Variants in PDCD1LG2 observed in about 807,000 individuals in gnomAD.
PDCD1LG2 encodes programmed cell death 1 ligand 2.
Under a neutral mutation model 28.2 loss-of-function variants are expected in PDCD1LG2, and 32 were observed. That is an observed-to-expected ratio of 1.13 (90% CI 0.86 to 1.52). The LOEUF is 1.52. Ranked by LOEUF, PDCD1LG2 falls within the 40% of genes most tolerant of loss-of-function variation. The pLI is 0.00. For missense variants in PDCD1LG2, 385 were observed against 323.8 expected (o/e 1.19, Z -1.45); for synonymous variants, 116 against 120.2 (o/e 0.97, Z 0.23).
chr9:5,544,702 G>C (rs185705092), intron 3 of PDCD1LG2, among the ~76,000 whole-genome samples: 2 of 151,940 alleles, frequency 1.3e-5, no homozygotes, highest in Admixed American at 1.3e-4. Context: ...TGAAAAGCTA[G>C]TAGTTGTTGA....
intron 4 of PDCD1LG2, among the ~76,000 whole-genome samples, chr9:5,556,583 C>G (rs1428397194): frequency 6.6e-6 from 1 of 152,192 alleles, no homozygotes; most frequent in Non-Finnish European, 1.5e-5. Context: ...TGTCTAATCT[C>G]TTCTCCAGTA....
chr9:5,542,420 T>A (rs890351671), intron 3 of PDCD1LG2, among the ~76,000 whole-genome samples: 2 of 151,824 alleles, frequency 1.3e-5, no homozygotes, highest in Non-Finnish European at 2.9e-5. Flanking sequence ...TGGGAGAAAA[T>A]CTTCACAATC....
At chr9:5,520,696 A>G (rs2129715840) in intron 1 of PDCD1LG2, among the ~76,000 whole-genome samples, 1 of 152,368 alleles carries the variant, frequency 6.6e-6, no homozygotes, top group South Asian at 2.1e-4. Context: ...AATAAAATCA[A>G]AATTAAATTA....
chr9:5,522,405 C>T (rs535692982), intron 1 of PDCD1LG2, 128 bp from the exon 2 acceptor site: 4 of 636,840 alleles, frequency 6.3e-6, no homozygotes, highest in Admixed American at 2.6e-5. Flanking sequence ...CTCCTCCCAG[C>T]TCCACTCTAC....
intron 6 of PDCD1LG2, among the ~76,000 whole-genome samples, chr9:5,568,727 T>C (rs1057226144): frequency 4.6e-5 from 7 of 152,214 alleles, no homozygotes; most frequent in African/African-American, 1.7e-4. Flanking sequence ...GGCAGCACAG[T>C]TGTCTCAGGG....
At chr9:5,534,660 T>G in intron 2 of PDCD1LG2, 85 bp from the exon 3 acceptor site, 2 of 1,251,490 alleles carry the variant, frequency 1.6e-6, no homozygotes, top group Non-Finnish European at 2.2e-6. Flanking sequence ...AAAATGGGGG[T>G]GAGATGGGTC....
intron 1 of PDCD1LG2, among the ~76,000 whole-genome samples, chr9:5,520,946 A>G (rs1820261654): frequency 6.6e-6 from 1 of 152,228 alleles, no homozygotes; most frequent in Non-Finnish European, 1.5e-5. Context: ...ATAATAGCCA[A>G]CAAGCAGAAA....
intron 3 of PDCD1LG2, among the ~76,000 whole-genome samples, chr9:5,537,779 T>C (rs568589982): frequency 6.6e-6 from 1 of 152,112 alleles, no homozygotes; most frequent in African/African-American, 2.4e-5. Flanking sequence ...ACCTAATGTT[T>C]AATGACAAGT....
At chr9:5,565,601 G>A (rs7048870) in intron 6 of PDCD1LG2, among the ~76,000 whole-genome samples, 27,684 of 152,084 alleles carry the variant, frequency 0.18, 3,874 homozygotes, top group African/African-American at 0.39. Context: ...TGATTACAGC[G>A]TTATTTTCTG....
intron 3 of PDCD1LG2, among the ~76,000 whole-genome samples, chr9:5,546,590 T>C (rs1314415248): frequency 6.6e-6 from 1 of 152,204 alleles, no homozygotes; most frequent in Non-Finnish European, 1.5e-5. Context: ...CCTTATCTTC[T>C]ACTACTGCTG....
chr9:5,518,856 C>T (rs943574257), intron 1 of PDCD1LG2, among the ~76,000 whole-genome samples: 17 of 152,220 alleles, frequency 1.1e-4, no homozygotes, highest in Admixed American at 9.8e-4. Flanking sequence ...TCATCCATGA[C>T]CTCCATACTG....
At chr9:5,510,942 G>C (rs1278263888) in intron 1 of PDCD1LG2, 139 bp downstream of exon 1, 1 of 152,608 alleles carries the variant, frequency 6.6e-6, no homozygotes, top group Non-Finnish European at 1.5e-5. Flanking sequence ...AAATTGTGCT[G>C]AGGGGCACAA....
In PDCD1LG2 at chr9:5,515,156, A is replaced by G. The variant is rs562435814; in HGVS notation, c.-15+4353A>G. Among the ~76,000 whole-genome samples the G allele has an allele frequency of 1.1e-4, 16 of 152,310 alleles. No individual in the cohort carries two copies. In the East Asian group the frequency reaches 2.7e-3, roughly 26 times the overall value. ...TCACTACCTGTGGTTTGGTCAAGAG[A>G]CCCAGATATTAGAGAACGTGTTGAT... On this transcript the variant is annotated intron_variant, in intron 1 of 6. Transcript: ENST00000397747.
At chr9:5,517,327 G>A (rs1748292665) in intron 1 of PDCD1LG2, among the ~76,000 whole-genome samples, 1 of 152,236 alleles carries the variant, frequency 6.6e-6, no homozygotes, top group South Asian at 2.1e-4. Context: ...GGCCACACAG[G>A]CCTGGAAGCA....
At chr9:5,543,854 G>C (rs1820741576) in intron 3 of PDCD1LG2, among the ~76,000 whole-genome samples, 2 of 89,158 alleles carry the variant, frequency 2.2e-5, no homozygotes, top group South Asian at 8.5e-4. Context: ...AGAAAACAAT[G>C]TCCTGAATTT....
At chr9:5,528,466 A>G (rs960482977) in intron 2 of PDCD1LG2, among the ~76,000 whole-genome samples, 1 of 150,118 alleles carries the variant, frequency 6.7e-6, no homozygotes, top group Non-Finnish European at 1.5e-5. Context: ...ATGCCTGGCT[A>G]ATTTTTTTTT....
intron 3 of PDCD1LG2, among the ~76,000 whole-genome samples, chr9:5,543,533 C>G (rs781102209): frequency 4.1e-5 from 5 of 121,200 alleles, no homozygotes; most frequent in Non-Finnish European, 6.5e-5. Flanking sequence ...AGCGAGACTC[C>G]GTCTCAAAAA....
intron 4 of PDCD1LG2, among the ~76,000 whole-genome samples, chr9:5,555,102 A>C (rs534144253): frequency 1.3e-5 from 2 of 152,316 alleles, no homozygotes; most frequent in South Asian, 4.1e-4. Context: ...CCATTGCATC[A>C]TTATATCATT....
intron 1 of PDCD1LG2, among the ~76,000 whole-genome samples, chr9:5,515,847 C>T (rs1000454313): frequency 3.1e-5 from 4 of 128,338 alleles, no homozygotes; most frequent in Admixed American, 1.9e-4. Flanking sequence ...CACTTGAACC[C>T]GGGAGGCGGA....
Sources: allele counts gnomAD v4.1 joint callset (sites outside exome capture counted in the v4.1 genomes callset), GRCh38; gene constraint gnomAD v4.1.1; transcripts MANE v1.5; gene names NCBI Gene and HGNC (gene_info 2026-07-23, HGNC 2026-07-21).